Variants in FHIP1A observed in about 807,000 individuals in gnomAD.
FHIP1A encodes the protein FHF complex subunit HOOK-interacting protein 1A.
Under a neutral mutation model 88.6 loss-of-function variants are expected in FHIP1A, and 61 were observed. The observed-to-expected ratio is 0.69, with a 90% CI of 0.56 to 0.85. The LOEUF (loss-of-function observed/expected upper bound fraction) is 0.85. Among genes scored for constraint, FHIP1A ranks in the 40% least tolerant of loss-of-function variants. FHIP1A has a pLI of 0.00. For synonymous variants in FHIP1A, 478 were observed against 496.0 expected (o/e 0.96, Z 0.48); for missense variants, 1,154 against 1,273.5 (o/e 0.91, Z 1.43).
intron 3 of FHIP1A, among the ~76,000 whole-genome samples, chr4:151,507,218 G>A (rs903009682): frequency 6.6e-6 from 1 of 152,036 alleles, no homozygotes; most frequent in Non-Finnish European, 1.5e-5. Context: ...TGATCTCCCA[G>A]GCTCAAGTGA....
intron 1 of FHIP1A, among the ~76,000 whole-genome samples, chr4:151,418,854 C>T (rs1002340097): frequency 2.6e-5 from 4 of 152,142 alleles, no homozygotes; most frequent in African/African-American, 9.7e-5. Context: ...TGTTAATGAT[C>T]TGCCTCTTAT....
chr4:151,465,742 C>T (rs1486436289), intron 2 of FHIP1A, among the ~76,000 whole-genome samples: 3 of 152,090 alleles, frequency 2.0e-5, no homozygotes, highest in South Asian at 4.2e-4. Context: ...TAAAAGTAAC[C>T]CATCACATAA....
chr4:151,454,930 A>G (rs1728917318), intron 2 of FHIP1A, 122 bp downstream of exon 2: 1 of 152,004 alleles, frequency 6.6e-6, no homozygotes, highest in African/African-American at 2.4e-5. Context: ...ACCTAGTTGC[A>G]ATTCTTGGTG....
rs1737720148 is a variant in FHIP1A at position 151,667,844 on chromosome 4, C to A, written c.*5090C>A. The stretch of plus-strand genomic sequence containing the variant: ...TGACTTCGACATGCATTCCAGGCAT[C>A]TTTCGGGGAGTTTAGATTTACTGTG... On this transcript the variant is annotated 3_prime_UTR_variant, in exon 14 of 14. Coordinates refer to ENST00000435205, the MANE Select transcript of FHIP1A (RefSeq NM_001109977.3). 6.6e-6 allele frequency among the ~76,000 whole-genome samples: 1 copy of A among 152,202 alleles called. No individual in the cohort carries two copies. The highest frequency in any genetic ancestry group is 2.4e-5 in the African/African-American group (1 of 41,444).
intron 1 of FHIP1A, among the ~76,000 whole-genome samples, chr4:151,429,848 C>CA (rs34699507): frequency 0.14 from 14,466 of 105,094 alleles, 971 homozygotes; most frequent in African/African-American, 0.2. Flanking sequence ...GACTCTATCT[C>CA]AAAAAAAAAA....
At chr4:151,658,768 C>T (rs933864672) in intron 13 of FHIP1A, among the ~76,000 whole-genome samples, 6 of 152,164 alleles carry the variant, frequency 3.9e-5, no homozygotes, top group African/African-American at 1.4e-4. Flanking sequence ...GGGGCTTTCT[C>T]AAGCGGTCAA....
chr4:151,594,936 C>T (rs895283299), intron 7 of FHIP1A, among the ~76,000 whole-genome samples: 1 of 152,086 alleles, frequency 6.6e-6, no homozygotes, highest in South Asian at 2.1e-4. Flanking sequence ...ATTAGCCTGG[C>T]TAGCAGTCTA....
chr4:151,632,924 G>C (rs902883735), intron 8 of FHIP1A, among the ~76,000 whole-genome samples: 1 of 151,732 alleles, frequency 6.6e-6, no homozygotes. Context: ...ACTAGACAAA[G>C]AAGAATGAAC....
intron 3 of FHIP1A, among the ~76,000 whole-genome samples, chr4:151,519,537 T>G (rs1731379393): frequency 1.3e-5 from 2 of 152,190 alleles, no homozygotes; most frequent in South Asian, 4.1e-4. Flanking sequence ...CTATGGAACA[T>G]TCTTCTACAA....
intron 3 of FHIP1A, among the ~76,000 whole-genome samples, chr4:151,496,748 G>A (rs1427635206): frequency 1.9e-5 from 1 of 52,542 alleles, no homozygotes; most frequent in East Asian, 4.1e-4. Flanking sequence ...TTTTGATGGA[G>A]ATGAAGTCTC....
intron 3 of FHIP1A, among the ~76,000 whole-genome samples, chr4:151,543,938 G>T (rs540473392): frequency 6.6e-6 from 1 of 152,172 alleles, no homozygotes; most frequent in African/African-American, 2.4e-5. Flanking sequence ...AAAACTCTAG[G>T]GTGTTTCAAG....
intron 7 of FHIP1A, among the ~76,000 whole-genome samples, chr4:151,628,175 G>A (rs1338552270): frequency 1.3e-5 from 2 of 152,076 alleles, no homozygotes; most frequent in Non-Finnish European, 2.9e-5. Flanking sequence ...TGCATTGTTG[G>A]CACCGAGCTA....
intron 3 of FHIP1A, among the ~76,000 whole-genome samples, chr4:151,527,279 C>T (rs868447433): frequency 6.6e-6 from 1 of 152,162 alleles, no homozygotes. Context: ...CCCGGCACCT[C>T]GGGAGGCCGA....
At chr4:151,570,757 T>C (rs1021483103) in intron 4 of FHIP1A, among the ~76,000 whole-genome samples, 2 of 152,224 alleles carry the variant, frequency 1.3e-5, no homozygotes, top group Admixed American at 1.3e-4. Context: ...AATAAATGAT[T>C]GAACTGAAAG....
intron 11 of FHIP1A, among the ~76,000 whole-genome samples, chr4:151,652,682 A>G (rs1020563345): frequency 3.3e-5 from 5 of 152,196 alleles, no homozygotes; most frequent in African/African-American, 1.2e-4. Flanking sequence ...GGGAGTGGGA[A>G]TGGCCTCACA....
Position 151,668,756 on chromosome 4 carries a change from G to A in FHIP1A, c.*6002G>A, listed in dbSNP as rs546953641. ...CTCCCTCTGTTAGGTAGCATGCAGA[G>A]TGCTAGGGCTGGCACATTCCTGCCT... On this transcript the variant is annotated 3_prime_UTR_variant, in exon 14 of 14. Coordinates refer to ENST00000435205, the MANE Select transcript of FHIP1A (RefSeq NM_001109977.3). 2.8e-4 allele frequency among the ~76,000 whole-genome samples: 43 copies of A among 151,784 alleles called. No homozygotes were observed. Among genetic ancestry groups the A allele is most frequent in the African/African-American group, 1.0e-3 (42 of 41,238 alleles).
rs766169972 is a variant in FHIP1A, at chr4:151,577,644, A to G, written c.300A>G (p.Lys100=). The change falls in exon 5 of 14, where the codon AAA becomes AAG. Residue 100 remains lysine (K), a synonymous_variant. Coordinates refer to ENST00000435205, the MANE Select transcript of FHIP1A (RefSeq NM_001109977.3). The part of the protein sequence containing the change: ...EFVVSENIME[K]LFLWSLRREF... ...TGGTCTCTGAGAACATCATGGAGAAACTTTTCCTTTGGAGCTTGAGAAGGG... is the reference window on the plus strand; with the variant it reads ...TGGTCTCTGAGAACATCATGGAGAAGCTTTTCCTTTGGAGCTTGAGAAGGG... 2.6e-5 allele frequency: 41 copies of G among 1,551,582 alleles called. No individual in the cohort carries two copies. In the South Asian group the frequency reaches 4.9e-4, roughly 18 times the overall value.
chr4:151,457,936 G>T (rs909324094), intron 2 of FHIP1A, among the ~76,000 whole-genome samples: 3 of 152,206 alleles, frequency 2.0e-5, no homozygotes, highest in African/African-American at 7.2e-5. Flanking sequence ...TCCAGATTTG[G>T]CTTGAAGCCT....
chr4:151,491,861 C>G lies in FHIP1A; in HGVS notation c.-123+9213C>G, dbSNP rs142504768. ...CAAGCAGGAGTAGCTATTCTCATAT[C>G]AGACAAAACAGACTTTAAAGCAACA... On this transcript the variant is annotated intron_variant, in intron 3 of 13. Transcript: ENST00000435205. Among the ~76,000 whole-genome samples, 941 of 152,114 alleles carry G rather than the reference C, an allele frequency of 6.2e-3. 12 individuals carry two copies. Among genetic ancestry groups the G allele is most frequent in the African/African-American group, 0.021 (877 of 41,480 alleles).
Sources: allele counts gnomAD v4.1 joint callset (sites outside exome capture counted in the v4.1 genomes callset), GRCh38; gene constraint gnomAD v4.1.1; transcripts MANE v1.5; gene names NCBI Gene and HGNC (gene_info 2026-07-23, HGNC 2026-07-21).